Variants in SLC25A28 observed in about 807,000 individuals in gnomAD.
SLC25A28 encodes solute carrier family 25 member 28.
In SLC25A28, 10 loss-of-function variants were observed where a neutral mutation model predicts 31.9. The observed-to-expected ratio is 0.31, with a 90% CI of 0.19 to 0.53. The LOEUF (loss-of-function observed/expected upper bound fraction) is 0.53, where lower values mean the gene tolerates loss of function less well. Among genes scored for constraint, SLC25A28 ranks in the 20% least tolerant of loss-of-function variants. The pLI is 0.95. For missense variants in SLC25A28, 256 were observed against 490.3 expected, an observed-to-expected ratio of 0.52 and a Z score of 4.51; for synonymous variants, 208 against 203.6, an observed-to-expected ratio of 1.02 and a Z score of -0.19.
chr10:99,646,134 T>C, the SLC25A28 span, among the ~76,000 whole-genome samples: 2 of 152,240 alleles, frequency 1.3e-5, no homozygotes, highest in Non-Finnish European at 2.9e-5. Context: ...TGCAGCTATG[T>C]TCAGCTATGG....
At chr10:99,655,448 T>C in the SLC25A28 span, among the ~76,000 whole-genome samples, 1 of 152,142 alleles carries the variant, frequency 6.6e-6, no homozygotes, top group Non-Finnish European at 1.5e-5. Flanking sequence ...ATTTAAAAAA[T>C]AGGTAGGAAT....
chr10:99,635,487 C>A, the SLC25A28 span, among the ~76,000 whole-genome samples: 10 of 152,024 alleles, frequency 6.6e-5, no homozygotes, highest in South Asian at 6.2e-4. Flanking sequence ...TGAGACCATC[C>A]TGGCTAACGT....
chr10:99,622,606 A>T (rs2034817514), upstream of SLC25A28: 4 of 978,620 alleles, frequency 4.1e-6, no homozygotes, highest in Non-Finnish European at 4.9e-6. Context: ...GTTTTTCTTA[A>T]CAGAGATAAC....
rs1279882288 is a variant in SLC25A28, at chr10:99,620,386, C to G, written c.-51G>C. Reference sequence around the variant, plus strand: ...CCCCCGCCGCCGCTGCCACCACTGCCGCCGCCGCCCCCCGGCCCCGTAGTG... The same window carrying G: ...CCCCCGCCGCCGCTGCCACCACTGCGGCCGCCGCCCCCCGGCCCCGTAGTG... On this transcript the variant is annotated 5_prime_UTR_variant, in exon 1 of 4. Transcript: ENST00000370495. The G allele has an allele frequency of 9.3e-7, 1 of 1,079,336 alleles. No individual in the cohort carries two copies. Among genetic ancestry groups the G allele is most frequent in the Non-Finnish European group, 1.1e-6 (1 of 891,232 alleles). The allele number at this position is 1,079,336 out of a possible 1,614,324, so 66.9% of individuals were successfully genotyped here. A position where few individuals can be genotyped will look rare whatever the true frequency, so the allele number is the denominator to read the frequency against.
rs766776544 is a variant in SLC25A28 at position 99,610,992 on chromosome 10, C to T, written c.952G>A (p.Val318Ile). 2.0e-5 allele frequency: 33 copies of T among 1,614,226 alleles called. No homozygotes were observed. The highest frequency in any genetic ancestry group is 5.0e-5 in the Admixed American group (3 of 60,020). ...CGGAAATAGGCGGTCACCCCACCTA[C>T]TTGATATACCGTCCTGAAGGCACTA... ...MASAFRTVYQ[V>I]GGVTAYFRGV... Residue 318 changes from valine (V) to isoleucine (I), a missense_variant, in exon 4 of 4, where the codon GTA (valine) becomes ATA (isoleucine). Val to Ile is a conservative substitution (Grantham distance 29, BLOSUM62 3). This residue lies in a region of SLC25A28 where 158 missense variants were observed against 379.1 expected (regional missense o/e 0.42). Transcript: ENST00000370495.
At chr10:99,648,255 C>T in the SLC25A28 span, among the ~76,000 whole-genome samples, 2 of 151,636 alleles carry the variant, frequency 1.3e-5, no homozygotes, top group South Asian at 4.2e-4. Flanking sequence ...CCTCTGTCTT[C>T]CAAAGTGCTG....
the SLC25A28 span, chr10:99,651,950 T>A: frequency 6.6e-6 from 1 of 152,162 alleles, no homozygotes; most frequent in Non-Finnish European, 1.5e-5. Context: ...TGTATCTTGC[T>A]TTTGCTGTTG....
At chr10:99,630,658 AG>A in the SLC25A28 span, among the ~76,000 whole-genome samples, 1 of 152,234 alleles carries the variant, frequency 6.6e-6, no homozygotes, top group African/African-American at 2.4e-5. Flanking sequence ...TAATAGTGCT[AG>A]CCAATTCATT....
chr10:99,615,362 A>G (rs1300379230), intron 1 of SLC25A28: 1 of 932,132 alleles, frequency 1.1e-6, no homozygotes, highest in East Asian at 1.2e-4. Context: ...ATCTCAAAAA[A>G]AAAAAAAAAA....
chr10:99,649,231 C>T, the SLC25A28 span, among the ~76,000 whole-genome samples: 2 of 152,128 alleles, frequency 1.3e-5, no homozygotes, highest in Non-Finnish European at 2.9e-5. Context: ...GTCCTTAATT[C>T]TGTTTATGTG....
At chr10:99,658,824 C>A in the SLC25A28 span, among the ~76,000 whole-genome samples, 2 of 152,172 alleles carry the variant, frequency 1.3e-5, no homozygotes, top group Non-Finnish European at 2.9e-5. Context: ...CACACACACA[C>A]CCACGCGCGC....
intron 1 of SLC25A28, 111 bp from the exon 2 acceptor site, chr10:99,614,035 A>G: frequency 1.2e-5 from 16 of 1,318,840 alleles, no homozygotes; most frequent in Non-Finnish European, 1.6e-5. Context: ...TGAGAGGGAT[A>G]TCTGGCTTTC....
chr10:99,614,046 A>G, intron 1 of SLC25A28, 122 bp from the exon 2 acceptor site: 1 of 1,214,716 alleles, frequency 8.2e-7, no homozygotes, highest in Non-Finnish European at 1.1e-6. Context: ...TCTGGCTTTC[A>G]GCTTATTTCC....
Position 99,620,150 on chromosome 10 carries a change from G to C in SLC25A28, c.186C>G (p.Asp62Glu). ...TGGCTCCAGCCGGCAGCGCCTCGTA[G>C]TCCGGGCCGGAGTCCGGATCTTGTC... is the stretch of plus-strand genomic sequence containing the variant. Reference protein sequence around the residue: ...PVRQDPDSGPDYEALPAGATV... With the variant: ...PVRQDPDSGPEYEALPAGATV... The change falls in exon 1 of 4, where the codon GAC becomes GAG. Residue 62 changes from aspartate to glutamate, a missense_variant. Coordinates refer to ENST00000370495, the MANE Select transcript of SLC25A28 (RefSeq NM_031212.4). 1 of 1,572,368 alleles carries C rather than the reference G, an allele frequency of 6.4e-7. No homozygotes were observed.
In SLC25A28 at chr10:99,612,192, A is replaced by AG. The variant is rs138863255; in HGVS notation, c.577+350dup. 3.0e-3 allele frequency among the ~76,000 whole-genome samples: 460 copies of AG among 152,252 alleles called. 1 individual carries two copies. Among genetic ancestry groups the AG allele is most frequent in the African/African-American group, 0.011 (438 of 41,558 alleles). On this transcript the variant is annotated intron_variant, in intron 3 of 3. Transcript: ENST00000370495. ...TAAGTGTCAATTCCTGCAAATCATA[A>AG]GGGGGAAAAAAAAAGTCAGAATCCA...
upstream of SLC25A28, chr10:99,621,390 T>C (rs1234334885): frequency 6.6e-6 from 1 of 152,370 alleles, no homozygotes; most frequent in Non-Finnish European, 1.5e-5. Context: ...GATTCACAGA[T>C]GACGGCCGGT....
At chr10:99,639,263 C>T in the SLC25A28 span, among the ~76,000 whole-genome samples, 3 of 151,756 alleles carry the variant, frequency 2.0e-5, no homozygotes, top group Admixed American at 6.6e-5. Flanking sequence ...TATCTTCTCA[C>T]CGATATGTGG....
chr10:99,618,456 C>G (rs2034707104), intron 1 of SLC25A28: 17 of 985,450 alleles, frequency 1.7e-5, no homozygotes, highest in Non-Finnish European at 2.0e-5. Flanking sequence ...AGGGAGGTTA[C>G]TCTGCAGCTA....
the SLC25A28 span, among the ~76,000 whole-genome samples, chr10:99,654,537 C>T: frequency 3.3e-5 from 5 of 152,010 alleles, no homozygotes; most frequent in African/African-American, 1.2e-4. Flanking sequence ...TGACGTGTGC[C>T]TGTAGTCCCA....
Sources: allele counts gnomAD v4.1 joint callset (sites outside exome capture counted in the v4.1 genomes callset), GRCh38; gene constraint gnomAD v4.1.1; regional missense constraint gnomAD v4.1.1; transcripts MANE v1.5; gene names NCBI Gene and HGNC (gene_info 2026-07-23, HGNC 2026-07-21).